Variants in BRSK2 observed in about 807,000 individuals in gnomAD.
The protein encoded by BRSK2 is serine/threonine-protein kinase BRSK2.
BRSK2 carries 19 observed loss-of-function variants against 83.3 expected under a neutral mutation model. That is an observed-to-expected ratio of 0.23 (90% CI 0.16 to 0.33). The LOEUF is 0.33. Among genes scored for constraint, BRSK2 ranks in the 10% least tolerant of loss-of-function variants. The pLI is 1.00. For missense variants in BRSK2, 798 were observed against 1,042.3 expected (o/e 0.77, Z 3.23); for synonymous variants, 519 against 435.4 (o/e 1.19, Z -2.39).
chr11:1,460,373 C>A, intron 19 of BRSK2, 127 bp from the exon 20 acceptor site: 1 of 1,085,910 alleles, frequency 9.2e-7, no homozygotes, highest in East Asian at 2.9e-5. Flanking sequence ...TTTCCCTCGT[C>A]GAGGCCTCTT....
intron 18 of BRSK2, chr11:1,457,153 C>T (rs1053833063): frequency 3.1e-5 from 33 of 1,073,876 alleles, no homozygotes; most frequent in African/African-American, 8.0e-5. Context: ...CCACAGGTCT[C>T]GGCCCTGGAC....
rs547311048 is a variant in BRSK2, at chr11:1,393,346, G to T, written c.91+2971G>T. On this transcript the variant is annotated intron_variant, in intron 1 of 19. Coordinates refer to ENST00000528841, the MANE Select transcript of BRSK2 (RefSeq NM_001256627.2). ...AATCTGGGAGGCCTGGGAGGGCCCT[G>T]TGGGAGGAGCTGGAGAACCTCGGGC... 9.2e-5 allele frequency among the ~76,000 whole-genome samples: 14 copies of T among 152,302 alleles called. No homozygotes were observed. In the South Asian group the frequency reaches 2.9e-3, roughly 32 times the overall value.
Position 1,452,479 on chromosome 11 carries a change from G to A in BRSK2, c.1544+1060G>A, listed in dbSNP as rs562217185. ...ATAATTATCTTCCTCAGAGAAGGTG[G>A]AAAACATCAAAGCCGAGAAGGTGGC... is the stretch of plus-strand genomic sequence containing the variant. On this transcript the variant is annotated intron_variant, in intron 15 of 19. Coordinates refer to ENST00000528841, the MANE Select transcript of BRSK2 (RefSeq NM_001256627.2). Among the ~76,000 whole-genome samples the A allele has an allele frequency of 1.3e-4, 20 of 152,356 alleles. No homozygotes were observed. The East Asian group carries it at 3.9e-3, about 29-fold the overall frequency.
Position 1,448,987 on chromosome 11 carries a change from C to T in BRSK2, c.1227-789C>T, listed in dbSNP as rs559487031. ...TTACTCTTCTCTGTCCTCTTCTCTT[C>T]GGCGGCTGCCTCGGCCCCTCCCTGC... On this transcript the variant is annotated intron_variant, in intron 12 of 19. Transcript: ENST00000528841. Among the ~76,000 whole-genome samples, 19 of 152,158 alleles carry T rather than the reference C, an allele frequency of 1.2e-4. No individual in the cohort carries two copies. In the South Asian group the frequency reaches 1.9e-3, roughly 15 times the overall value.
At chr11:1,426,866 C>T (rs1648532963) in intron 1 of BRSK2, among the ~76,000 whole-genome samples, 1 of 152,048 alleles carries the variant, frequency 6.6e-6, no homozygotes, top group African/African-American at 2.4e-5. Flanking sequence ...CAGCAGCAGG[C>T]AAGTCTATGA....
At chr11:1,459,138 C>G in intron 18 of BRSK2, 54 bp from the exon 19 acceptor site, 6 of 1,584,380 alleles carry the variant, frequency 3.8e-6, no homozygotes, top group Non-Finnish European at 5.2e-6. Context: ...AGCCAGAAGG[C>G]CCAGGACAGC....
chr11:1,458,709 G>C (rs571027548), intron 18 of BRSK2, among the ~76,000 whole-genome samples: 1 of 152,330 alleles, frequency 6.6e-6, no homozygotes, highest in East Asian at 1.9e-4. Flanking sequence ...CCCAGTCCTG[G>C]ACTGGCAGCA....
intron 1 of BRSK2, among the ~76,000 whole-genome samples, chr11:1,397,666 G>A (rs1846211545): frequency 1.3e-5 from 2 of 152,244 alleles, no homozygotes; most frequent in African/African-American, 4.8e-5. Context: ...CGGTTGGCAT[G>A]TGTCTCTCTG....
chr11:1,454,456 C>G lies in BRSK2; in HGVS notation c.1545-29C>G. ...GGTGTGGACGGTGCCACACCTCAAT[C>G]CTCACAGCCTCTGTCTCCCACTGCC... On this transcript the variant is annotated intron_variant, in intron 15 of 19. Transcript: ENST00000528841. The surrounding 1 kb of genome is among the most constrained non-coding windows in gnomAD (Gnocchi z 5.2). 2 of 1,611,978 alleles carry G rather than the reference C, an allele frequency of 1.2e-6. No homozygotes were observed. The highest frequency in any genetic ancestry group is 1.3e-5 in the African/African-American group (1 of 75,026).
At chr11:1,397,376 A>G (rs183399439) in intron 1 of BRSK2, among the ~76,000 whole-genome samples, 1 of 152,054 alleles carries the variant, frequency 6.6e-6, no homozygotes, top group East Asian at 1.9e-4. Flanking sequence ...GCCTTGTTCT[A>G]CCGCCTCTGA....
At chr11:1,406,100 C>T (rs554570172) in intron 1 of BRSK2, among the ~76,000 whole-genome samples, 26 of 152,132 alleles carry the variant, frequency 1.7e-4, no homozygotes, top group African/African-American at 6.3e-4. Context: ...CCTCGGCCAG[C>T]GGCTCCTCCT....
At chr11:1,456,797 T>C in intron 18 of BRSK2, 110 bp downstream of exon 18, 1 of 1,330,392 alleles carries the variant, frequency 7.5e-7, no homozygotes, top group Non-Finnish European at 1.0e-6. Context: ...CTGGCCCCTC[T>C]TGACGGACGC....
intron 12 of BRSK2, among the ~76,000 whole-genome samples, 163 bp downstream of exon 12, chr11:1,446,070 T>TGGGAGCTGAGCTG (rs1852028164): frequency 1.6e-4 from 9 of 54,754 alleles, no homozygotes; most frequent in African/African-American, 5.7e-4. Flanking sequence ...GGGCTGGGCT[T>TGGGAGCTGAGCTG]GGCTGGGCTG....
Position 1,390,621 on chromosome 11 carries a change from C to G in BRSK2, c.91+246C>G, listed in dbSNP as rs1845663087. Among the ~76,000 whole-genome samples the G allele has an allele frequency of 1.4e-5, 2 of 146,480 alleles. No individual in the cohort carries two copies. The highest frequency in any genetic ancestry group is 4.9e-5 in the African/African-American group (2 of 40,804). ...GACACGCGGCGCGGCGCGGGGCGCG[C>G]AGGCGGACAGGGGCGCACGGGACGG... is the stretch of plus-strand genomic sequence containing the variant. On this transcript the variant is annotated intron_variant, in intron 1 of 19. Coordinates refer to ENST00000528841, the MANE Select transcript of BRSK2 (RefSeq NM_001256627.2). This position sits in a 1 kb window ranked among gnomAD's most constrained non-coding sequence, Gnocchi z 6.8.
chr11:1,442,013 C>G (rs1276774817), intron 4 of BRSK2, among the ~76,000 whole-genome samples: 2 of 120,388 alleles, frequency 1.7e-5, no homozygotes, highest in African/African-American at 6.7e-5. Context: ...AGCTACCTCT[C>G]AAGTGCACCA....
chr11:1,404,723 G>GC (rs1846715237), intron 1 of BRSK2, among the ~76,000 whole-genome samples: 1 of 152,188 alleles, frequency 6.6e-6, no homozygotes, highest in South Asian at 2.1e-4. Flanking sequence ...TGCAGCCCCT[G>GC]CCTCTCCCCT....
intron 1 of BRSK2, among the ~76,000 whole-genome samples, 167 bp from the exon 2 acceptor site, chr11:1,435,873 G>A (rs1444613587): frequency 6.6e-6 from 1 of 151,848 alleles, no homozygotes; most frequent in African/African-American, 2.4e-5. Context: ...CGCCAGCACT[G>A]AGCTGTTCTG....
rs763660396 is a variant in BRSK2 at position 1,443,593 on chromosome 11, G to A, written c.738G>A (p.Leu246=). The A allele has an allele frequency of 6.3e-5, 102 of 1,609,418 alleles. No homozygotes were observed. In the East Asian group the frequency reaches 2.2e-3, roughly 35 times the overall value. The change falls in exon 8 of 20, where the codon CTG becomes CTA. Residue 246 remains leucine, a synonymous_variant. Transcript: ENST00000528841. Reference sequence around the variant, plus strand: ...TTATCCCGCCCGACTGCCAGAGTCTGCTACGGGGCATGATCGAGGTGGACG... The same window carrying A: ...TTATCCCGCCCGACTGCCAGAGTCTACTACGGGGCATGATCGAGGTGGACG... The part of the protein sequence containing the change: ...PHFIPPDCQS[L]LRGMIEVDAA...
chr11:1,451,842 G>T (rs1217980040), intron 15 of BRSK2, among the ~76,000 whole-genome samples: 3 of 152,172 alleles, frequency 2.0e-5, no homozygotes, highest in African/African-American at 7.2e-5. Flanking sequence ...CCAAGCCGAG[G>T]TCTGGCCCCG....
Sources: gnomAD v4.1 joint callset for allele counts (sites outside exome capture counted in the v4.1 genomes callset) on GRCh38, gnomAD v4.1.1 for gene constraint, Gnocchi (gnomAD v3.1) non-coding constraint, MANE v1.5 for transcripts, NCBI Gene and HGNC (gene_info 2026-07-23, HGNC 2026-07-21) for gene names.